The following THADA variants were observed in gnomAD, a reference collection of about 807,000 sequenced individuals.
THADA encodes THADA armadillo repeat containing, also known as tRNA (32-2'-O)-methyltransferase regulator THADA.
In THADA, 213 loss-of-function variants were observed where a neutral mutation model predicts 219.8. The observed-to-expected ratio is 0.97, with a 90% CI of 0.87 to 1.09. The LOEUF is 1.09. Among genes scored for constraint, THADA ranks in the 50% least tolerant of loss-of-function variants. The probability of loss-of-function intolerance (pLI) is 0.00; values close to 1 mark genes in which losing one functional copy is unlikely to be tolerated. For synonymous variants in THADA, 1,018 were observed against 828.9 expected (o/e 1.23, Z -3.92); for missense variants, 2,956 against 2,311.3 (o/e 1.28, Z -5.72).
chr2:43,563,356 T>C (rs958143881), intron 15 of THADA: 1 of 152,206 alleles, frequency 6.6e-6, no homozygotes, highest in African/African-American at 2.4e-5. Flanking sequence ...ATGACACCAC[T>C]GTATGAAGCC....
intron 26 of THADA, among the ~76,000 whole-genome samples, chr2:43,472,098 G>C (rs1042249200): frequency 6.6e-6 from 1 of 152,186 alleles, no homozygotes; most frequent in African/African-American, 2.4e-5. Context: ...GGGAAGAAAA[G>C]TTTCCAGAGA....
At chr2:43,244,949 C>T (rs547444273) in intron 36 of THADA, among the ~76,000 whole-genome samples, 1 of 152,320 alleles carries the variant, frequency 6.6e-6, no homozygotes, top group South Asian at 2.1e-4. Flanking sequence ...GTGTCATGAG[C>T]CAGTGACGGA....
intron 20 of THADA, among the ~76,000 whole-genome samples, chr2:43,544,145 CTTGT>C (rs1558943287): frequency 6.6e-6 from 1 of 152,180 alleles, no homozygotes; most frequent in Non-Finnish European, 1.5e-5. Context: ...TCCCCCATTG[CTTGT>C]TTTTCTCAGG....
In THADA at chr2:43,286,976, C is replaced by A. The variant is rs1351091338; in HGVS notation, c.5096G>T (p.Arg1699Met). 1.2e-6 allele frequency: 2 copies of A among 1,613,950 alleles called. No homozygotes were observed. The highest frequency in any genetic ancestry group is 2.2e-5 in the East Asian group (1 of 44,880). Reference protein sequence around the residue: ...SCEDHLPTESRLAVVEVLTST... With the variant: ...SCEDHLPTESMLAVVEVLTST... The stretch of plus-strand genomic sequence containing the variant: ...GGTGAGGACTTCAACGACGGCCAGC[C>A]TAGACTCTGTAGGAAGATGGTCTTC... The change falls in exon 35 of 38, where the codon AGG becomes ATG. Residue 1699 changes from arginine to methionine, a missense_variant. Physicochemically the swap from Arg to Met is moderately conservative, Grantham distance 91. Transcript: ENST00000405975.
chr2:43,312,434 G>C (rs1677620690), intron 31 of THADA, among the ~76,000 whole-genome samples: 1 of 152,002 alleles, frequency 6.6e-6, no homozygotes, highest in Non-Finnish European at 1.5e-5. Context: ...TGTAACCTTG[G>C]GTAAGTCACT....
intron 23 of THADA, among the ~76,000 whole-genome samples, chr2:43,508,065 T>C (rs1308363197): frequency 2.0e-5 from 3 of 152,150 alleles, no homozygotes; most frequent in East Asian, 1.9e-4. Context: ...ACTGTCTCTG[T>C]GGCCTTTGGT....
At chr2:43,427,719 G>A (rs973999663) in intron 28 of THADA, among the ~76,000 whole-genome samples, 4 of 149,650 alleles carry the variant, frequency 2.7e-5, no homozygotes, top group Non-Finnish European at 3.0e-5. Context: ...CACTTTGGGA[G>A]AATGAGGTGG....
In THADA at chr2:43,557,698, C is replaced by T. The variant is rs138005064; in HGVS notation, c.2464-1143G>A. ...AGTCCCAACTTCAACAACTGGCAAG[C>T]TGTGTGTTCATAAGTCTGGAAGTCA... On this transcript the variant is annotated intron_variant, in intron 16 of 37. Coordinates refer to ENST00000405975, the MANE Select transcript of THADA (RefSeq NM_022065.5). Among the ~76,000 whole-genome samples, 100 of 152,304 alleles carry T rather than the reference C, an allele frequency of 6.6e-4. No individual in the cohort carries two copies. The East Asian group carries it at 0.013, about 19-fold the overall frequency.
At chr2:43,414,416 C>T (rs1471864522) in intron 28 of THADA, among the ~76,000 whole-genome samples, 2 of 152,250 alleles carry the variant, frequency 1.3e-5, no homozygotes, top group East Asian at 3.9e-4. Flanking sequence ...CATTCTATTT[C>T]CAGGTAACCT....
At chr2:43,453,023 C>T (rs948951954) in intron 26 of THADA, among the ~76,000 whole-genome samples, 1 of 152,008 alleles carries the variant, frequency 6.6e-6, no homozygotes, top group Non-Finnish European at 1.5e-5. Flanking sequence ...CCCAGTGAAC[C>T]GATGCTTTTT....
At chr2:43,313,818 C>T (rs901035675) in intron 31 of THADA, among the ~76,000 whole-genome samples, 2 of 152,324 alleles carry the variant, frequency 1.3e-5, no homozygotes, top group East Asian at 1.9e-4. Context: ...CTTCCCTAAG[C>T]GAGTGACTGA....
intron 10 of THADA, among the ~76,000 whole-genome samples, chr2:43,575,745 C>T (rs1699786257): frequency 6.6e-6 from 1 of 152,026 alleles, no homozygotes; most frequent in Admixed American, 6.6e-5. Context: ...ACCATGTTGA[C>T]CAGGCTGGTC....
Position 43,390,673 on chromosome 2 carries a change from A to G in THADA, c.4227+7298T>C, listed in dbSNP as rs144757850. On this transcript the variant is annotated intron_variant, in intron 29 of 37. Coordinates refer to ENST00000405975, the MANE Select transcript of THADA (RefSeq NM_022065.5). ...AATAAGTTCTGATATGTTTTATTGA[A>G]TGTTTATTTCTTGAACATTTCTTAC... 5.9e-5 allele frequency among the ~76,000 whole-genome samples: 9 copies of G among 152,218 alleles called. No individual in the cohort carries two copies. The East Asian group carries it at 1.7e-3, about 29-fold the overall frequency.
At chr2:43,500,071 A>G (rs1688748595) in intron 24 of THADA, among the ~76,000 whole-genome samples, 1 of 152,172 alleles carries the variant, frequency 6.6e-6, no homozygotes, top group African/African-American at 2.4e-5. Flanking sequence ...AAAAAATATT[A>G]TCAAAGAGTT....
chr2:43,465,858 G>A (rs1684166018), intron 26 of THADA, among the ~76,000 whole-genome samples: 1 of 152,084 alleles, frequency 6.6e-6, no homozygotes, highest in Non-Finnish European at 1.5e-5. Context: ...AAACACAGGG[G>A]CAAAACTGAA....
At chr2:43,303,813 T>C (rs1676532669) in intron 31 of THADA, among the ~76,000 whole-genome samples, 1 of 152,042 alleles carries the variant, frequency 6.6e-6, no homozygotes, top group Non-Finnish European at 1.5e-5. Flanking sequence ...CCATGTAGGG[T>C]TGCTGTACTG....
intron 14 of THADA, among the ~76,000 whole-genome samples, chr2:43,569,536 T>G (rs1333071759): frequency 6.6e-6 from 1 of 152,180 alleles, no homozygotes; most frequent in African/African-American, 2.4e-5. Context: ...GTCATTGAGA[T>G]TTTAAAAGGT....
At chr2:43,496,524 TC>T (rs1688298482) in intron 25 of THADA, among the ~76,000 whole-genome samples, 2 of 152,036 alleles carry the variant, frequency 1.3e-5, no homozygotes, top group South Asian at 4.1e-4. Flanking sequence ...AACAGCAGAG[TC>T]CACAGCATCC....
intron 29 of THADA, 97 bp downstream of exon 29, chr2:43,397,874 A>T (rs1674278283): frequency 1.6e-6 from 2 of 1,277,294 alleles, no homozygotes; most frequent in Non-Finnish European, 1.1e-6. Context: ...TAAAGTTAAG[A>T]GGCTGTGTAT....
Sources: gnomAD v4.1 joint callset for allele counts (sites outside exome capture counted in the v4.1 genomes callset) on GRCh38, gnomAD v4.1.1 for gene constraint, MANE v1.5 for transcripts, NCBI Gene and HGNC (gene_info 2026-07-23, HGNC 2026-07-21) for gene names.